RASGRF2: variants seen among roughly 807,000 people sequenced by gnomAD.
RASGRF2 encodes ras-specific guanine nucleotide-releasing factor 2.
In RASGRF2, 76 loss-of-function variants were observed where a neutral mutation model predicts 151.0. The ratio of observed to expected loss-of-function variants is 0.50; its 90% CI spans 0.42 to 0.61. The LOEUF (loss-of-function observed/expected upper bound fraction) is 0.61. Ranked by LOEUF, RASGRF2 falls within the 20% of genes least tolerant of loss-of-function variation. The pLI, the probability that RASGRF2 is intolerant of heterozygous loss-of-function variation, is 0.00. For missense variants in RASGRF2, 1,148 were observed against 1,564.6 expected (o/e 0.73, Z 4.49); for synonymous variants, 504 against 566.5 (o/e 0.89, Z 1.57).
intron 1 of RASGRF2, among the ~76,000 whole-genome samples, chr5:81,036,666 A>T (rs1184878516): frequency 6.6e-6 from 1 of 151,858 alleles, no homozygotes; most frequent in Non-Finnish European, 1.5e-5. Context: ...CAGATATTTT[A>T]TCAATTTTTT....
rs941019131 is a variant in RASGRF2, at chr5:81,144,472, G to A, written c.2686+17309G>A. 3.9e-5 allele frequency among the ~76,000 whole-genome samples: 6 copies of A among 152,180 alleles called. 1 individual carries two copies. The highest frequency in any genetic ancestry group is 1.4e-4 in the African/African-American group (6 of 41,448). On this transcript the variant is annotated intron_variant, in intron 17 of 26. Transcript: ENST00000265080. The stretch of plus-strand genomic sequence containing the variant: ...TTCACAAGTGCTGGGAAGACATAAG[G>A]CGATAACTTGATAACATGTAGTTAG...
At chr5:81,041,531 TTC>T (rs912785959) in intron 1 of RASGRF2, among the ~76,000 whole-genome samples, 1 of 152,108 alleles carries the variant, frequency 6.6e-6, no homozygotes, top group Non-Finnish European at 1.5e-5. Flanking sequence ...TGTAAAAAAT[TTC>T]TGCTTTAGAA....
chr5:81,169,671 A>G (rs1561242389), intron 17 of RASGRF2, among the ~76,000 whole-genome samples: 1 of 152,186 alleles, frequency 6.6e-6, no homozygotes, highest in East Asian at 1.9e-4. Context: ...TTCTGCATGG[A>G]TGTGGATTTG....
chr5:81,046,170 T>C (rs1216127679), intron 2 of RASGRF2, among the ~76,000 whole-genome samples: 3 of 152,208 alleles, frequency 2.0e-5, no homozygotes, highest in Non-Finnish European at 4.4e-5. Flanking sequence ...ATACAAAGAC[T>C]GCTCAGAACC....
At chr5:80,961,201 G>T (rs1747542775) in intron 1 of RASGRF2, among the ~76,000 whole-genome samples, 175 bp downstream of exon 1, 1 of 152,230 alleles carries the variant, frequency 6.6e-6, no homozygotes, top group Non-Finnish European at 1.5e-5. Context: ...TTCATCCAGG[G>T]ATTCTCCCAT....
chr5:81,111,538 C>T (rs1752993548), intron 13 of RASGRF2, among the ~76,000 whole-genome samples: 1 of 151,998 alleles, frequency 6.6e-6, no homozygotes, highest in Non-Finnish European at 1.5e-5. Context: ...ATAATAAAAA[C>T]ATAACATGTC....
intron 18 of RASGRF2, among the ~76,000 whole-genome samples, chr5:81,197,623 T>A (rs948870737): frequency 1.3e-5 from 2 of 152,222 alleles, no homozygotes. Flanking sequence ...TTACCAAATA[T>A]AGTAAAATCT....
At chr5:80,989,258 A>G (rs1748574063) in intron 1 of RASGRF2, among the ~76,000 whole-genome samples, 1 of 152,184 alleles carries the variant, frequency 6.6e-6, no homozygotes. Flanking sequence ...GGCATGAGCC[A>G]CTGTGCCTGG....
intron 1 of RASGRF2, among the ~76,000 whole-genome samples, chr5:80,980,258 T>C (rs1748255044): frequency 6.6e-6 from 1 of 152,174 alleles, no homozygotes; most frequent in Non-Finnish European, 1.5e-5. Context: ...AAGAACATTG[T>C]GTCCCCAGGG....
intron 22 of RASGRF2, among the ~76,000 whole-genome samples, chr5:81,209,808 C>T (rs1057133201): frequency 6.6e-6 from 1 of 152,204 alleles, no homozygotes; most frequent in Non-Finnish European, 1.5e-5. Flanking sequence ...TTGACAATTA[C>T]AGATGGAACC....
intron 1 of RASGRF2, among the ~76,000 whole-genome samples, chr5:81,010,526 T>C (rs1749425439): frequency 6.6e-6 from 1 of 152,188 alleles, no homozygotes; most frequent in Non-Finnish European, 1.5e-5. Flanking sequence ...TTGAAGATTT[T>C]TGGAGAAGCA....
At chr5:81,096,179 GA>G (rs1385670838) in intron 12 of RASGRF2, 1 of 152,138 alleles carries the variant, frequency 6.6e-6, no homozygotes, top group Non-Finnish European at 1.5e-5. Context: ...AGCTAGAAAA[GA>G]AGCCATTTCT....
chr5:81,025,836 C>T (rs1041045482), intron 1 of RASGRF2, among the ~76,000 whole-genome samples: 3 of 152,152 alleles, frequency 2.0e-5, no homozygotes, highest in African/African-American at 7.2e-5. Context: ...TTTGCTACCT[C>T]AGATTAGTTA....
At chr5:81,034,586 T>G (rs982693884) in intron 1 of RASGRF2, among the ~76,000 whole-genome samples, 2 of 151,670 alleles carry the variant, frequency 1.3e-5, no homozygotes, top group Non-Finnish European at 2.9e-5. Flanking sequence ...TAAGAAAATG[T>G]GGCACATATA....
intron 14 of RASGRF2, 123 bp from the exon 15 acceptor site, chr5:81,113,415 G>C: frequency 8.5e-7 from 1 of 1,178,418 alleles, no homozygotes; most frequent in Non-Finnish European, 1.2e-6. Context: ...ATTAACGGAA[G>C]TCCAGCAATA....
intron 1 of RASGRF2, among the ~76,000 whole-genome samples, chr5:80,995,255 C>CAA (rs11369891): frequency 0.016 from 1,855 of 117,744 alleles, 31 homozygotes; most frequent in Non-Finnish European, 0.022. Context: ...GACTCCGTCT[C>CAA]AAAAAAAAAA....
chr5:81,032,451 A>C (rs1377681926), intron 1 of RASGRF2, among the ~76,000 whole-genome samples: 1 of 152,186 alleles, frequency 6.6e-6, no homozygotes. Flanking sequence ...ATCCACCACA[A>C]TCAAGTTGGC....
intron 1 of RASGRF2, among the ~76,000 whole-genome samples, chr5:80,988,013 G>A (rs900055367): frequency 2.9e-5 from 1 of 34,324 alleles, no homozygotes; most frequent in African/African-American, 2.6e-4. Context: ...ATGTGCGTGT[G>A]TGTGTGTGTG....
intron 17 of RASGRF2, among the ~76,000 whole-genome samples, chr5:81,175,583 G>A (rs1385877199): frequency 6.6e-6 from 1 of 151,830 alleles, no homozygotes; most frequent in African/African-American, 2.4e-5. Context: ...GAGAAACCCC[G>A]TCTCTACTAA....
Sources: allele counts gnomAD v4.1 joint callset (sites outside exome capture counted in the v4.1 genomes callset), GRCh38; gene constraint gnomAD v4.1.1; transcripts MANE v1.5; gene names NCBI Gene and HGNC (gene_info 2026-07-23, HGNC 2026-07-21).